LRRC37A2: variants seen among roughly 807,000 people sequenced by gnomAD.
LRRC37A2 encodes leucine-rich repeat-containing protein 37A2.
Under a neutral mutation model 68.8 loss-of-function variants are expected in LRRC37A2, and 9 were observed. The ratio of observed to expected loss-of-function variants is 0.13; its 90% CI spans 0.08 to 0.23. LRRC37A2 has a LOEUF of 0.23. Ranked by LOEUF, LRRC37A2 falls within the 10% of genes least tolerant of loss-of-function variation. The pLI, the probability that LRRC37A2 is intolerant of heterozygous loss-of-function variation, is 1.00. For missense variants in LRRC37A2, 168 were observed against 950.4 expected (o/e 0.18, Z 10.82); for synonymous variants, 63 against 367.6 (o/e 0.17, Z 9.48).
the LRRC37A2 span, among the ~76,000 whole-genome samples, chr17:46,863,486 C>G: frequency 5.9e-5 from 9 of 152,116 alleles, no homozygotes; most frequent in African/African-American, 2.2e-4. Context: ...CCATGCGGAA[C>G]TGATGGTACT....
the LRRC37A2 span, among the ~76,000 whole-genome samples, chr17:46,708,793 CACCATT>C: frequency 7.3e-6 from 1 of 137,232 alleles, no homozygotes; most frequent in East Asian, 2.0e-4. Flanking sequence ...TGCACTTGGC[CACCATT>C]TATTTTATAT....
chr17:46,940,465 T>C, the LRRC37A2 span: 2 of 1,611,082 alleles, frequency 1.2e-6, no homozygotes, highest in Non-Finnish European at 1.7e-6. Flanking sequence ...CACACAGCAC[T>C]GCTGCGGTGC....
At chr17:46,829,470 C>T in the LRRC37A2 span, among the ~76,000 whole-genome samples, 8 of 152,276 alleles carry the variant, frequency 5.3e-5, no homozygotes, top group African/African-American at 1.9e-4. Flanking sequence ...CGCCTGGCCT[C>T]AATTTTTTAA....
At chr17:46,820,459 C>G in the LRRC37A2 span, among the ~76,000 whole-genome samples, 3 of 150,818 alleles carry the variant, frequency 2.0e-5, no homozygotes, top group Admixed American at 6.6e-5. Flanking sequence ...GCTGAGCCAC[C>G]GGTGTGAGGA....
At chr17:46,743,635 G>A in the LRRC37A2 span, among the ~76,000 whole-genome samples, 2 of 152,154 alleles carry the variant, frequency 1.3e-5, no homozygotes, top group Non-Finnish European at 2.9e-5. Context: ...CCTTAAAAAG[G>A]ACATCATATG....
chr17:46,831,149 G>A, the LRRC37A2 span, among the ~76,000 whole-genome samples: 2 of 152,188 alleles, frequency 1.3e-5, no homozygotes, highest in African/African-American at 2.4e-5. Flanking sequence ...GGAAAACACC[G>A]GAACATGGGA....
At chr17:46,751,378 G>C in the LRRC37A2 span, 2 of 695,154 alleles carry the variant, frequency 2.9e-6, no homozygotes, top group Non-Finnish European at 5.0e-6. Flanking sequence ...TAAAGTAGGA[G>C]AGAATTCTAT....
the LRRC37A2 span, chr17:46,949,349 T>G: frequency 0.45 from 67,884 of 151,842 alleles, 15,379 homozygotes; most frequent in South Asian, 0.52. Context: ...GTTCCAAGAG[T>G]GAGTATCCCA....
chr17:46,876,534 C>T, the LRRC37A2 span: 1 of 1,613,544 alleles, frequency 6.2e-7, no homozygotes, highest in African/African-American at 1.3e-5. Flanking sequence ...AGCAAGTACT[C>T]ACCTGGCACA....
At chr17:46,497,270 A>C in the LRRC37A2 span, among the ~76,000 whole-genome samples, 1 of 144,104 alleles carries the variant, frequency 6.9e-6, no homozygotes, top group African/African-American at 2.7e-5. Context: ...CTTTTAATTA[A>C]TGTGTTTTGG....
chr17:47,029,469 A>G, the LRRC37A2 span, among the ~76,000 whole-genome samples: 3 of 152,162 alleles, frequency 2.0e-5, no homozygotes, highest in Non-Finnish European at 2.9e-5. Context: ...ATCTGACTTT[A>G]GAAAAGACTT....
the LRRC37A2 span, among the ~76,000 whole-genome samples, chr17:46,589,340 ATT>A: frequency 0.67 from 52,513 of 78,474 alleles, 14,543 homozygotes; most frequent in South Asian, 0.78. Context: ...ATAGGCGTGA[ATT>A]TTTTTTTTTT....
At chr17:46,712,145 T>G in the LRRC37A2 span, among the ~76,000 whole-genome samples, 221 of 152,150 alleles carry the variant, frequency 1.5e-3, no homozygotes, top group African/African-American at 5.0e-3. Flanking sequence ...TTAATGAGAG[T>G]CGATTGTGGT....
chr17:46,804,919 A>ACC, the LRRC37A2 span, among the ~76,000 whole-genome samples: 1 of 57,474 alleles, frequency 1.7e-5, no homozygotes, highest in East Asian at 1.1e-3. Flanking sequence ...CTCCCCGCCC[A>ACC]CCCCCCCCAC....
chr17:46,691,399 A>AG, the LRRC37A2 span, among the ~76,000 whole-genome samples: 2 of 110,768 alleles, frequency 1.8e-5, no homozygotes, highest in East Asian at 6.0e-4. Flanking sequence ...GTTCGAGACC[A>AG]GCCTGGCAAA....
At chr17:46,773,386 G>C in the LRRC37A2 span, among the ~76,000 whole-genome samples, 1 of 152,020 alleles carries the variant, frequency 6.6e-6, no homozygotes, top group Non-Finnish European at 1.5e-5. Flanking sequence ...TGTCACAAAT[G>C]TCCACAGCAG....
chr17:46,710,830 G>C, the LRRC37A2 span: 1 of 733,622 alleles, frequency 1.4e-6, no homozygotes, highest in Non-Finnish European at 2.0e-6. Flanking sequence ...AAGTTGTTTT[G>C]CTTTCCAGGC....
At chr17:46,844,520 C>G in the LRRC37A2 span, among the ~76,000 whole-genome samples, 4 of 152,062 alleles carry the variant, frequency 2.6e-5, no homozygotes, top group African/African-American at 9.7e-5. Flanking sequence ...ACCTGCAGTT[C>G]TGATAATATG....
the LRRC37A2 span, chr17:46,923,571 G>T: frequency 7.6e-7 from 1 of 1,313,410 alleles, no homozygotes; most frequent in Non-Finnish European, 9.7e-7. Context: ...CTCGAGAGGA[G>T]ACACGGAGTA....
Sources: gnomAD v4.1 joint callset for allele counts (sites outside exome capture counted in the v4.1 genomes callset) on GRCh38, gnomAD v4.1.1 for gene constraint, MANE v1.5 for transcripts, NCBI Gene and HGNC (gene_info 2026-07-23, HGNC 2026-07-21) for gene names.